Variants in MAPK10 observed in about 807,000 individuals in gnomAD.
MAPK10 encodes mitogen-activated protein kinase 10.
In MAPK10, 25 loss-of-function variants were observed where a neutral mutation model predicts 59.3. That is an observed-to-expected ratio of 0.42 (90% CI 0.31 to 0.59). The LOEUF (loss-of-function observed/expected upper bound fraction) is 0.59, where lower values mean the gene tolerates loss of function less well. Ranked by LOEUF, MAPK10 falls within the 20% of genes least tolerant of loss-of-function variation. The pLI, the probability that MAPK10 is intolerant of heterozygous loss-of-function variation, is 0.15. For missense variants in MAPK10, 351 were observed against 568.9 expected (o/e 0.62, Z 3.90); for synonymous variants, 190 against 200.5 (o/e 0.95, Z 0.44).
intron 1 of MAPK10, among the ~76,000 whole-genome samples, chr4:86,592,365 A>G (rs1333002337): frequency 6.6e-6 from 1 of 152,076 alleles, no homozygotes; most frequent in Non-Finnish European, 1.5e-5. Flanking sequence ...TAAAAAAAAA[A>G]ACACGAAGAA....
intron 2 of MAPK10, among the ~76,000 whole-genome samples, chr4:86,283,767 T>C (rs2094904056): frequency 6.6e-6 from 1 of 152,182 alleles, no homozygotes; most frequent in Non-Finnish European, 1.5e-5. Context: ...GATGGTTGCT[T>C]GTAGTGCAGG....
At chr4:86,521,666 G>A (rs962188865) in intron 1 of MAPK10, among the ~76,000 whole-genome samples, 1 of 152,088 alleles carries the variant, frequency 6.6e-6, no homozygotes, top group Admixed American at 6.5e-5. Flanking sequence ...ACCACACTGA[G>A]TTTATATATA....
intron 1 of MAPK10, among the ~76,000 whole-genome samples, chr4:86,555,998 A>G (rs1451413381): frequency 6.6e-6 from 1 of 152,164 alleles, no homozygotes; most frequent in Non-Finnish European, 1.5e-5. Context: ...TAAGATTATA[A>G]TCTGTTTAGA....
chr4:86,343,297 G>A (rs1233093075), intron 2 of MAPK10, among the ~76,000 whole-genome samples: 1 of 152,052 alleles, frequency 6.6e-6, no homozygotes, highest in African/African-American at 2.4e-5. Context: ...AGGACTACAG[G>A]GACTTATGAA....
intron 1 of MAPK10, among the ~76,000 whole-genome samples, chr4:86,562,718 C>A (rs1379221188): frequency 6.6e-6 from 1 of 151,728 alleles, no homozygotes; most frequent in Admixed American, 6.6e-5. Context: ...TAAAAAAAAA[C>A]AACTTTACCT....
intron 1 of MAPK10, among the ~76,000 whole-genome samples, chr4:86,432,743 C>T (rs775127760): frequency 3.3e-5 from 5 of 152,026 alleles, no homozygotes; most frequent in African/African-American, 1.2e-4. Flanking sequence ...TGAGAGGAGC[C>T]CAAAACAACA....
intron 1 of MAPK10, among the ~76,000 whole-genome samples, chr4:86,547,251 C>A (rs1252329673): frequency 6.6e-6 from 1 of 152,158 alleles, no homozygotes; most frequent in African/African-American, 2.4e-5. Context: ...CCGCCCTGCA[C>A]TGTGGGATCC....
chr4:86,385,584 A>G (rs1305492314), intron 1 of MAPK10, among the ~76,000 whole-genome samples: 3 of 152,186 alleles, frequency 2.0e-5, no homozygotes, highest in Non-Finnish European at 4.4e-5. Context: ...AAGAATGGTT[A>G]TTTCTGAACA....
intron 1 of MAPK10, among the ~76,000 whole-genome samples, chr4:86,492,847 C>A (rs527926150): frequency 1.4e-4 from 22 of 152,158 alleles, no homozygotes; most frequent in African/African-American, 4.8e-4. Flanking sequence ...AATGAAGGCA[C>A]CCAAAAACTG....
intron 2 of MAPK10, among the ~76,000 whole-genome samples, chr4:86,279,638 T>G (rs1055155918): frequency 6.6e-6 from 1 of 152,180 alleles, no homozygotes; most frequent in African/African-American, 2.4e-5. Context: ...GTGGGACAGC[T>G]GTTTCTCTCC....
At chr4:86,395,796 G>A (rs953212452) in intron 1 of MAPK10, among the ~76,000 whole-genome samples, 1 of 152,152 alleles carries the variant, frequency 6.6e-6, no homozygotes, top group Non-Finnish European at 1.5e-5. Flanking sequence ...TTCTCAAAGG[G>A]CAGAGAAAGG....
chr4:86,189,229 T>G (rs2079060366), intron 3 of MAPK10, among the ~76,000 whole-genome samples: 1 of 152,224 alleles, frequency 6.6e-6, no homozygotes, highest in East Asian at 1.9e-4. Flanking sequence ...CTTTATGGGC[T>G]CTTTTTTGGT....
intron 9 of MAPK10, among the ~76,000 whole-genome samples, chr4:86,087,873 T>G (rs917469339): frequency 6.6e-6 from 1 of 152,082 alleles, no homozygotes; most frequent in Non-Finnish European, 1.5e-5. Context: ...TGATAAAAAA[T>G]TATAATGTAG....
chr4:86,185,735 C>T (rs1322028032), intron 3 of MAPK10, among the ~76,000 whole-genome samples: 2 of 152,058 alleles, frequency 1.3e-5, no homozygotes, highest in African/African-American at 4.8e-5. Flanking sequence ...ATAGAGTCAA[C>T]AGAATTTGCT....
intron 2 of MAPK10, among the ~76,000 whole-genome samples, chr4:86,306,181 G>A (rs764594226): frequency 1.3e-5 from 2 of 152,102 alleles, no homozygotes; most frequent in Non-Finnish European, 2.9e-5. Context: ...CCCATTAAAC[G>A]TTAGCAAAAT....
At chr4:86,347,112 C>T (rs1466896365) in intron 2 of MAPK10, among the ~76,000 whole-genome samples, 1 of 151,920 alleles carries the variant, frequency 6.6e-6, no homozygotes, top group Non-Finnish European at 1.5e-5. Flanking sequence ...CCTGGGCCCT[C>T]CAAAAGTACA....
chr4:86,441,274 T>C (rs1200552153), intron 1 of MAPK10, among the ~76,000 whole-genome samples: 1 of 152,192 alleles, frequency 6.6e-6, no homozygotes, highest in Non-Finnish European at 1.5e-5. Context: ...TCATAGAGAA[T>C]TTTTTACCTA....
intron 2 of MAPK10, among the ~76,000 whole-genome samples, chr4:86,245,231 G>T (rs2093004932): frequency 6.6e-6 from 1 of 151,732 alleles, no homozygotes; most frequent in Admixed American, 6.6e-5. Flanking sequence ...CGAGTGCTTT[G>T]AAAACATTCA....
chr4:86,184,037 T>C (rs956632904), intron 3 of MAPK10, among the ~76,000 whole-genome samples: 23 of 152,228 alleles, frequency 1.5e-4, no homozygotes, highest in Non-Finnish European at 3.2e-4. Context: ...ATTCTGGATA[T>C]TAGCCCTTTG....
Sources: gnomAD v4.1 joint callset for allele counts (sites outside exome capture counted in the v4.1 genomes callset) on GRCh38, gnomAD v4.1.1 for gene constraint, MANE v1.5 for transcripts, NCBI Gene and HGNC (gene_info 2026-07-23, HGNC 2026-07-21) for gene names.